SVEP1: variants seen among roughly 807,000 people sequenced by gnomAD.
SVEP1 encodes sushi, von Willebrand factor type A, EGF and pentraxin domain-containing protein 1.
A neutral mutation model predicts 367.3 loss-of-function variants in SVEP1; 164 were observed. That is an observed-to-expected ratio of 0.45 (90% CI 0.39 to 0.51). The LOEUF (loss-of-function observed/expected upper bound fraction) is 0.51, where lower values mean the gene tolerates loss of function less well. Ranked by LOEUF, SVEP1 falls within the 20% of genes least tolerant of loss-of-function variation. The probability of loss-of-function intolerance (pLI) is 0.00; values close to 1 mark genes in which losing one functional copy is unlikely to be tolerated. For missense variants in SVEP1, 4,117 were observed against 4,425.3 expected (o/e 0.93, Z 1.98); for synonymous variants, 1,666 against 1,611.6 (o/e 1.03, Z -0.81).
Position 110,450,051 on chromosome 9 carries a change from C to T in SVEP1, c.4103+8G>A. The T allele has an allele frequency of 6.2e-7, 1 of 1,613,626 alleles. No homozygotes were observed. The highest frequency in any genetic ancestry group is 8.5e-7 in the Non-Finnish European group (1 of 1,179,648). Reference sequence around the variant, plus strand: ...AAACAGTGAAAAGAATCAGACTTAGCCTTTTACCTGAAGCTATTGGCACCG... The same window carrying T: ...AAACAGTGAAAAGAATCAGACTTAGTCTTTTACCTGAAGCTATTGGCACCG... On this transcript the variant is annotated splice_region_variant and intron_variant, in intron 24 of 47. Transcript: ENST00000374469.
At chr9:110,434,043 C>T (rs1317522863) in intron 30 of SVEP1, among the ~76,000 whole-genome samples, 1 of 152,034 alleles carries the variant, frequency 6.6e-6, no homozygotes, top group Non-Finnish European at 1.5e-5. Flanking sequence ...CCCTGTTTCC[C>T]CCTCCAGCAA....
intron 16 of SVEP1, among the ~76,000 whole-genome samples, chr9:110,470,769 A>C (rs1025351965): frequency 1.4e-5 from 2 of 145,832 alleles, no homozygotes; most frequent in South Asian, 4.3e-4. Flanking sequence ...TATATATAGA[A>C]AAATAAATAT....
intron 1 of SVEP1, among the ~76,000 whole-genome samples, chr9:110,563,465 A>G (rs557968000): frequency 2.5e-4 from 38 of 152,344 alleles, no homozygotes; most frequent in African/African-American, 8.9e-4. Flanking sequence ...GAAAGTTAGT[A>G]AAGACTTTTA....
chr9:110,463,630 A>G (rs1828893287), intron 18 of SVEP1, among the ~76,000 whole-genome samples: 1 of 142,322 alleles, frequency 7.0e-6, no homozygotes, highest in East Asian at 2.1e-4. Context: ...GAAAGAAAGG[A>G]AGAAAAAGAA....
At chr9:110,568,960 C>T (rs1478416001) in intron 1 of SVEP1, among the ~76,000 whole-genome samples, 7 of 143,934 alleles carry the variant, frequency 4.9e-5, no homozygotes. Context: ...ATTAGCCAGG[C>T]ATAATTTGTG....
intron 9 of SVEP1, among the ~76,000 whole-genome samples, chr9:110,488,751 G>T (rs1183655827): frequency 1.3e-5 from 2 of 152,084 alleles, no homozygotes; most frequent in Non-Finnish European, 2.9e-5. Context: ...GCACATGCCT[G>T]TAGTCCCAGC....
In SVEP1 at chr9:110,579,540, A is replaced by C; in HGVS notation, c.4T>G (p.Trp2Gly). ...CAGCAACAAAAGGCCAGGCGAGGCCACATCGCGCTGGAGACAGAGCGGCTG... is the reference window on the plus strand; with the variant it reads ...CAGCAACAAAAGGCCAGGCGAGGCCCCATCGCGCTGGAGACAGAGCGGCTG... M[W>G]PRLAFCCWGL... The change falls in exon 1 of 48, where the codon TGG becomes GGG. Residue 2 changes from tryptophan (W) to glycine (G), a missense_variant. Around this residue, in one of 4 missense-constraint regions of SVEP1, gnomAD observed 17 missense variants for 27.5 expected, o/e 0.62. Transcript: ENST00000374469. This position sits in a 1 kb window ranked among gnomAD's most constrained non-coding sequence, Gnocchi z 5.3. 6.3e-7 allele frequency: 1 copy of C among 1,595,960 alleles called. No individual in the cohort carries two copies. The highest frequency in any genetic ancestry group is 8.5e-7 in the Non-Finnish European group (1 of 1,173,136).
chr9:110,509,141 T>C (rs1030072167), intron 5 of SVEP1, among the ~76,000 whole-genome samples: 7 of 152,208 alleles, frequency 4.6e-5, no homozygotes, highest in African/African-American at 1.4e-4. Flanking sequence ...AACATTATTT[T>C]ATGTGCCACT....
At chr9:110,527,448 T>C (rs966410093) in intron 3 of SVEP1, among the ~76,000 whole-genome samples, 1 of 152,074 alleles carries the variant, frequency 6.6e-6, no homozygotes, top group African/African-American at 2.4e-5. Flanking sequence ...GTATGTTTAA[T>C]ATTTTGATAA....
chr9:110,514,266 CT>C, intron 3 of SVEP1, 160 bp from the exon 4 acceptor site: 1 of 899,120 alleles, frequency 1.1e-6, no homozygotes, highest in East Asian at 2.8e-5. Flanking sequence ...AATCCCTGTA[CT>C]TTGGGAAGCA....
rs1399955610 is a variant in SVEP1, at chr9:110,407,181, G to T, written c.8419C>A (p.Leu2807Met). 1.2e-6 allele frequency: 2 copies of T among 1,614,008 alleles called. No individual in the cohort carries two copies. Among genetic ancestry groups the T allele is most frequent in the South Asian group, 2.2e-5 (2 of 91,086 alleles). The change falls in exon 38 of 48, where the codon CTG (leucine) becomes ATG (methionine). Residue 2807 changes from leucine (L) to methionine (M), a missense_variant. By Grantham distance (15) the Leu-to-Met change is conservative. Transcript: ENST00000374469. ...CATGTTCTCCTCTCAGTGCCATTCAGCACATATCCGGGGTCACACTCATAG... is the reference window on the plus strand; with the variant it reads ...CATGTTCTCCTCTCAGTGCCATTCATCACATATCCGGGGTCACACTCATAG... The part of the protein sequence containing the change: ...LYYECDPGYV[L>M]NGTERRTCQD...
intron 16 of SVEP1, 43 bp from the exon 17 acceptor site, chr9:110,469,144 G>T (rs756781539): frequency 6.4e-7 from 1 of 1,552,382 alleles, no homozygotes; most frequent in Non-Finnish European, 8.7e-7. Flanking sequence ...AACTACAACG[G>T]TGGAACACAC....
intron 14 of SVEP1, among the ~76,000 whole-genome samples, chr9:110,473,628 T>C (rs1207403377): frequency 3.9e-5 from 6 of 152,206 alleles, no homozygotes; most frequent in African/African-American, 1.4e-4. Context: ...TTTCTATTTT[T>C]AGACTTTTAG....
At chr9:110,477,627 C>T (rs1433433926) in intron 13 of SVEP1, among the ~76,000 whole-genome samples, 3 of 152,068 alleles carry the variant, frequency 2.0e-5, no homozygotes, top group Non-Finnish European at 1.5e-5. Flanking sequence ...AAAGAGCCTC[C>T]GTTCACACAC....
At chr9:110,392,698 AAT>A (rs1252465869) in intron 40 of SVEP1, among the ~76,000 whole-genome samples, 2 of 152,162 alleles carry the variant, frequency 1.3e-5, no homozygotes, top group South Asian at 2.1e-4. Context: ...TTTTTAAAAT[AAT>A]GAGTTTGTTC....
rs1829934727 is a variant in SVEP1, at chr9:110,525,868, G to A, written c.965-11762C>T. On this transcript the variant is annotated intron_variant, in intron 3 of 47. Coordinates refer to ENST00000374469, the MANE Select transcript of SVEP1 (RefSeq NM_153366.4). ...AGGTATACGTGTACCATGGTGGCTTGCTGCACCCATCAACCTGTCATCTAC... is the reference window on the plus strand; with the variant it reads ...AGGTATACGTGTACCATGGTGGCTTACTGCACCCATCAACCTGTCATCTAC... Among the ~76,000 whole-genome samples, 2 of 151,326 alleles carry A rather than the reference G, an allele frequency of 1.3e-5. 1 individual carries two copies. Among genetic ancestry groups the A allele is most frequent in the South Asian group, 4.2e-4 (2 of 4,772 alleles).
chr9:110,409,065 G>A, intron 37 of SVEP1, 114 bp from the exon 38 acceptor site: 2 of 1,143,682 alleles, frequency 1.7e-6, no homozygotes, highest in South Asian at 1.9e-5. Flanking sequence ...GAATCAATTA[G>A]GAAGTAAGCA....
At chr9:110,543,716 C>T (rs975343392) in intron 3 of SVEP1, among the ~76,000 whole-genome samples, 1 of 152,166 alleles carries the variant, frequency 6.6e-6, no homozygotes, top group Non-Finnish European at 1.5e-5. Context: ...TAGGACCACA[C>T]GGAAAGCAGA....
At chr9:110,537,423 A>G (rs1468732710) in intron 3 of SVEP1, among the ~76,000 whole-genome samples, 3 of 152,002 alleles carry the variant, frequency 2.0e-5, no homozygotes, top group Non-Finnish European at 4.4e-5. Context: ...CAAATTATAT[A>G]CAAACAGCAA....
Sources: allele counts gnomAD v4.1 joint callset (sites outside exome capture counted in the v4.1 genomes callset), GRCh38; gene constraint gnomAD v4.1.1; regional missense constraint gnomAD v4.1.1; non-coding constraint Gnocchi (gnomAD v3.1); transcripts MANE v1.5; gene names NCBI Gene and HGNC (gene_info 2026-07-23, HGNC 2026-07-21).